DOCK1: variants seen among roughly 807,000 people sequenced by gnomAD.
DOCK1 encodes the protein dedicator of cytokinesis 1, also known as dedicator of cytokinesis protein 1.
DOCK1 carries 138 observed loss-of-function variants against 262.7 expected under a neutral mutation model. That is an observed-to-expected ratio of 0.53 (90% CI 0.46 to 0.61). The LOEUF is 0.61. Among genes scored for constraint, DOCK1 ranks in the 20% least tolerant of loss-of-function variants. The pLI is 0.00. For synonymous variants in DOCK1, 866 were observed against 867.4 expected, an observed-to-expected ratio of 1.00 and a Z score of 0.03; for missense variants, 1,908 against 2,370.7, an observed-to-expected ratio of 0.80 and a Z score of 4.05.
intron 12 of DOCK1, chr10:127,015,958 G>A (rs971193250): frequency 3.3e-5 from 5 of 152,392 alleles, no homozygotes; most frequent in Admixed American, 3.3e-4. Flanking sequence ...CCTGGGTGAG[G>A]ACAGGCCTGC....
chr10:127,291,717 A>G (rs1209327215), intron 29 of DOCK1, among the ~76,000 whole-genome samples: 1 of 152,226 alleles, frequency 6.6e-6, no homozygotes, highest in Non-Finnish European at 1.5e-5. Flanking sequence ...GTGGGGAGAC[A>G]GAGCTCGGCC....
chr10:127,014,475 G>A (rs1034802314), intron 12 of DOCK1, among the ~76,000 whole-genome samples: 1 of 152,152 alleles, frequency 6.6e-6, no homozygotes, highest in African/African-American at 2.4e-5. Context: ...AGATATTTGC[G>A]CAGGCCGGCG....
chr10:127,320,205 T>C (rs747048807), intron 29 of DOCK1, among the ~76,000 whole-genome samples: 5 of 151,834 alleles, frequency 3.3e-5, no homozygotes, highest in Non-Finnish European at 7.4e-5. Flanking sequence ...CTCTTTATGA[T>C]TAAGACAAGA....
intron 27 of DOCK1, among the ~76,000 whole-genome samples, chr10:127,142,579 C>T (rs1218832938): frequency 6.6e-6 from 1 of 152,162 alleles, no homozygotes; most frequent in African/African-American, 2.4e-5. Flanking sequence ...CTATAAACAC[C>T]TGAGTCAAAC....
In DOCK1 at chr10:126,905,548, G is replaced by T; in HGVS notation, c.31G>T (p.Glu11Ter). ...GCGCTGGGTGCCCACCAAGCGCGAG[G>T]AGAAGTACGGCGTGGGTGAGCAGCG... MTRWVPTKRE[E>*]KYGVAFYNYD... The change falls in exon 1 of 52, where the codon GAG becomes TAG. Residue 11 changes from glutamate to a stop codon, truncating the protein, a stop_gained. Coordinates refer to ENST00000623213, the MANE Select transcript of DOCK1 (RefSeq NM_001290223.2). LOFTEE classifies it high-confidence loss of function. 2.0e-6 allele frequency: 1 copy of T among 495,418 alleles called. No individual in the cohort carries two copies. The highest frequency in any genetic ancestry group is 3.7e-6 in the Non-Finnish European group (1 of 272,452). 30.7% of individuals were successfully genotyped at this position (495,418 alleles called of 1,614,324 possible). A position where few individuals can be genotyped will look rare whatever the true frequency, so the allele number is the denominator to read the frequency against.
chr10:127,300,396 A>G (rs957205721), intron 29 of DOCK1, among the ~76,000 whole-genome samples: 1 of 152,152 alleles, frequency 6.6e-6, no homozygotes, highest in African/African-American at 2.4e-5. Context: ...GGGCTTAGAC[A>G]ATGATGGCCA....
intron 29 of DOCK1, among the ~76,000 whole-genome samples, chr10:127,317,721 C>T (rs2135542529): frequency 1.3e-5 from 2 of 152,248 alleles, no homozygotes; most frequent in Middle Eastern, 6.8e-3. Flanking sequence ...ATGAACTTGG[C>T]CAGCTTTGAA....
At position 127,257,219 on chromosome 10, in the gene DOCK1, C is replaced by A. The variant is rs960172239; in HGVS notation, c.2950-116C>A. The A allele has an allele frequency of 3.6e-5, 29 of 812,086 alleles. No individual in the cohort carries two copies. The African/African-American group carries it at 4.8e-4, about 13-fold the overall frequency. 50.3% of individuals were successfully genotyped at this position (812,086 alleles called of 1,614,324 possible). On this transcript the variant is annotated intron_variant, in intron 28 of 51. Coordinates refer to ENST00000623213, the MANE Select transcript of DOCK1 (RefSeq NM_001290223.2). Reference sequence around the variant, plus strand: ...TATGAAATATATCTTCATTACTTTTCAGGATGTGTTCATTCAGCCTTTAAA... The same window carrying A: ...TATGAAATATATCTTCATTACTTTTAAGGATGTGTTCATTCAGCCTTTAAA...
intron 13 of DOCK1, among the ~76,000 whole-genome samples, chr10:127,019,843 G>A (rs1171156555): frequency 6.6e-6 from 1 of 152,164 alleles, no homozygotes; most frequent in Non-Finnish European, 1.5e-5. Flanking sequence ...GCCTAAAGTC[G>A]CTCAGCTAAT....
At chr10:127,193,849 C>T (rs1396366322) in intron 27 of DOCK1, among the ~76,000 whole-genome samples, 1 of 152,180 alleles carries the variant, frequency 6.6e-6, no homozygotes, top group Admixed American at 6.5e-5. Context: ...CCGAAGTAAA[C>T]AGAGTAATAG....
chr10:127,022,708 TAATC>T (rs887309880), intron 13 of DOCK1, among the ~76,000 whole-genome samples: 1 of 152,176 alleles, frequency 6.6e-6, no homozygotes, highest in African/African-American at 2.4e-5. Context: ...TCCTCATTCT[TAATC>T]AACTTTTAGT....
chr10:127,175,371 G>A lies in DOCK1; in HGVS notation c.2847+47607G>A. On this transcript the variant is annotated intron_variant, in intron 27 of 51. Coordinates refer to ENST00000623213, the MANE Select transcript of DOCK1 (RefSeq NM_001290223.2). The surrounding 1 kb of genome is among the most constrained non-coding windows in gnomAD (Gnocchi z 6.3). ...CACGATTCGTTGGCATTCTTCACCT[G>A]CAGCAACCGCTGTGGGACTAGGCTG... The A allele has an allele frequency of 6.2e-7, 1 of 1,613,980 alleles. No homozygotes were observed. The highest frequency in any genetic ancestry group is 8.5e-7 in the Non-Finnish European group (1 of 1,180,026).
chr10:127,016,837 TACACAC>T (rs201637173), intron 12 of DOCK1, among the ~76,000 whole-genome samples: 55,871 of 132,560 alleles, frequency 0.42, 10,382 homozygotes, highest in African/African-American at 0.5. Flanking sequence ...ACACTACACA[TACACAC>T]ACACAGATAC....
At chr10:127,360,806 C>T (rs1033829163) in intron 32 of DOCK1, among the ~76,000 whole-genome samples, 1 of 152,156 alleles carries the variant, frequency 6.6e-6, no homozygotes, top group Non-Finnish European at 1.5e-5. Context: ...TTCATAATCT[C>T]AGACCCAGGT....
At position 127,445,769 on chromosome 10, in the gene DOCK1, G is replaced by C. The variant is rs561176210; in HGVS notation, c.5413+1490G>C. Among the ~76,000 whole-genome samples the C allele has an allele frequency of 2.6e-5, 4 of 152,286 alleles. No individual in the cohort carries two copies. In the East Asian group the frequency reaches 7.7e-4, roughly 29 times the overall value. On this transcript the variant is annotated intron_variant, in intron 50 of 51. Coordinates refer to ENST00000623213, the MANE Select transcript of DOCK1 (RefSeq NM_001290223.2). ...ACAGGCCAAATGTCCATCAACTGAT[G>C]GCCAGATTAACAAAATGTACGTCCA...
chr10:127,127,560 G>A (rs186153240), intron 26 of DOCK1, 109 bp from the exon 27 acceptor site: 4 of 791,560 alleles, frequency 5.1e-6, no homozygotes, highest in East Asian at 2.7e-5. Flanking sequence ...CTCATTAAGG[G>A]TTATAATTGA....
chr10:127,236,748 C>A (rs1477128827), intron 27 of DOCK1, among the ~76,000 whole-genome samples: 2 of 151,704 alleles, frequency 1.3e-5, no homozygotes, highest in African/African-American at 4.8e-5. Flanking sequence ...TTAAAATATT[C>A]TTCTGTATAT....
chr10:127,288,955 A>T (rs1172056691), intron 29 of DOCK1, among the ~76,000 whole-genome samples: 1 of 152,112 alleles, frequency 6.6e-6, no homozygotes, highest in Non-Finnish European at 1.5e-5. Flanking sequence ...TCAATTTGAT[A>T]TTTAGGATAA....
intron 23 of DOCK1, among the ~76,000 whole-genome samples, chr10:127,077,235 A>G (rs1425872046): frequency 6.6e-6 from 1 of 151,974 alleles, no homozygotes; most frequent in African/African-American, 2.4e-5. Context: ...TATCTACTAA[A>G]TATACAAAAA....
Sources: gnomAD v4.1 joint callset for allele counts (sites outside exome capture counted in the v4.1 genomes callset) on GRCh38, gnomAD v4.1.1 for gene constraint, Gnocchi (gnomAD v3.1) non-coding constraint, MANE v1.5 for transcripts, NCBI Gene and HGNC (gene_info 2026-07-23, HGNC 2026-07-21) for gene names.